The following SERPINB6 variants were observed in gnomAD, a reference collection of about 807,000 sequenced individuals.
The protein encoded by SERPINB6 is serpin B6.
SERPINB6 carries 16 observed loss-of-function variants against 26.1 expected under a neutral mutation model. That is an observed-to-expected ratio of 0.61 (90% CI 0.42 to 0.93). The LOEUF is 0.93. Among genes scored for constraint, SERPINB6 ranks in the 40% least tolerant of loss-of-function variants. The pLI is 0.00. For synonymous variants in SERPINB6, 174 were observed against 176.6 expected, an observed-to-expected ratio of 0.99 and a Z score of 0.11; for missense variants, 420 against 478.0, an observed-to-expected ratio of 0.88 and a Z score of 1.13.
intron 1 of SERPINB6, chr6:2,962,237 C>T (rs980492555): frequency 1.6e-5 from 16 of 984,800 alleles, no homozygotes; most frequent in African/African-American, 1.4e-4. Context: ...GAGGAGAAGT[C>T]GGTGCACATG....
At chr6:2,959,098 T>G in intron 2 of SERPINB6, 70 bp downstream of exon 2, 2 of 1,581,552 alleles carry the variant, frequency 1.3e-6, no homozygotes, top group Non-Finnish European at 1.7e-6. Context: ...AGCGATCCCT[T>G]TGGGATTTGG....
chr6:2,967,962 G>C lies in SERPINB6; in HGVS notation c.-11+3571C>G, dbSNP rs1385548223. On this transcript the variant is annotated intron_variant, in intron 1 of 6. Transcript: ENST00000380539. This position sits in a 1 kb window ranked among gnomAD's most constrained non-coding sequence, Gnocchi z 4.3. ...ACTGAGTATACAACCAGAGGAGAGA[G>C]GAATAGAAATCATTCTCCCATAAAG... is the stretch of plus-strand genomic sequence containing the variant. The C allele has an allele frequency of 6.6e-6, 1 of 151,626 alleles. No homozygotes were observed. The highest frequency in any genetic ancestry group is 2.4e-5 in the African/African-American group (1 of 41,228). The allele number at this position is 151,626 out of a possible 1,614,324, so 9.4% of individuals were successfully genotyped here.
chr6:2,950,955 C>A (rs1769720177), intron 5 of SERPINB6, among the ~76,000 whole-genome samples: 1 of 152,250 alleles, frequency 6.6e-6, no homozygotes, highest in African/African-American at 2.4e-5. Flanking sequence ...GCCTCGGCTG[C>A]CCCACTCATT....
At chr6:2,970,966 G>T in intron 1 of SERPINB6, 1 of 1,211,968 alleles carries the variant, frequency 8.3e-7, no homozygotes. Flanking sequence ...CACGCAGGGG[G>T]CCCGGATGGC....
chr6:2,968,613 C>T (rs780911287), intron 1 of SERPINB6: 15 of 1,219,528 alleles, frequency 1.2e-5, no homozygotes, highest in Non-Finnish European at 1.4e-5. Flanking sequence ...TCTTCCGTTC[C>T]CTGCGCTGCC....
At chr6:2,950,151 A>G (rs1171085908) in intron 5 of SERPINB6, among the ~76,000 whole-genome samples, 1 of 152,130 alleles carries the variant, frequency 6.6e-6, no homozygotes, top group African/African-American at 2.4e-5. Flanking sequence ...CTCTCCCCCA[A>G]GAAAACATAA....
At chr6:2,965,058 G>T (rs1428509845) in intron 1 of SERPINB6, among the ~76,000 whole-genome samples, 1 of 152,204 alleles carries the variant, frequency 6.6e-6, no homozygotes, top group Non-Finnish European at 1.5e-5. Flanking sequence ...CCACAGGTTT[G>T]CTTTATTATC....
At chr6:2,970,522 G>C in intron 1 of SERPINB6, 2 of 1,176,836 alleles carry the variant, frequency 1.7e-6, no homozygotes, top group Non-Finnish European at 2.1e-6. Context: ...GAACACATCA[G>C]ATCTCATCGC....
chr6:2,970,629 C>T (rs946491851), intron 1 of SERPINB6: 1 of 1,220,768 alleles, frequency 8.2e-7, no homozygotes, highest in African/African-American at 1.6e-5. Flanking sequence ...AAAAAATGGA[C>T]TCAGATGCCC....
intron 2 of SERPINB6, 178 bp from the exon 3 acceptor site, chr6:2,955,848 G>A (rs1266785085): frequency 1.3e-5 from 8 of 612,550 alleles, no homozygotes; most frequent in African/African-American, 1.8e-5. Context: ...AGGCCAAGGC[G>A]GGAGGATCAC....
At position 2,959,157 on chromosome 6, in the gene SERPINB6, T is replaced by G; in HGVS notation, c.165+11A>C. On this transcript the variant is annotated intron_variant, in intron 2 of 6. Coordinates refer to ENST00000380539, the MANE Select transcript of SERPINB6 (RefSeq NM_004568.6). Reference sequence around the variant, plus strand: ...ACAGTTAATAGCACCATGGCTGCCCTGAAGCTGTACCTGGGCCATCTGTGC... The same window carrying G: ...ACAGTTAATAGCACCATGGCTGCCCGGAAGCTGTACCTGGGCCATCTGTGC... 1 of 1,614,144 alleles carries G rather than the reference T, an allele frequency of 6.2e-7. No individual in the cohort carries two copies. Among genetic ancestry groups the G allele is most frequent in the African/African-American group, 1.3e-5 (1 of 75,054 alleles).
intron 5 of SERPINB6, among the ~76,000 whole-genome samples, chr6:2,949,929 A>G (rs1769588342): frequency 6.6e-6 from 1 of 152,150 alleles, no homozygotes; most frequent in African/African-American, 2.4e-5. Flanking sequence ...ATCTCTACGC[A>G]GTAAGCTTGT....
chr6:2,954,944 C>A, intron 3 of SERPINB6: 1 of 493,030 alleles, frequency 2.0e-6, no homozygotes, highest in South Asian at 2.3e-5. Flanking sequence ...AATCCCAGCA[C>A]TTTGGGGGGC....
Position 2,948,812 on chromosome 6 carries a change from C to T in SERPINB6, c.729+102G>A, listed in dbSNP as rs1342586843. 1.3e-6 allele frequency: 2 copies of T among 1,574,828 alleles called. No homozygotes were observed. Among genetic ancestry groups the T allele is most frequent in the Non-Finnish European group, 1.7e-6 (2 of 1,146,744 alleles). On this transcript the variant is annotated intron_variant, in intron 6 of 6. Coordinates refer to ENST00000380539, the MANE Select transcript of SERPINB6 (RefSeq NM_004568.6). The surrounding 1 kb of genome is among the most constrained non-coding windows in gnomAD (Gnocchi z 5.0). ...GGCAGCGTGGCTATGGTCAGCAGCG[C>T]TCCAGTGTTAAACGGCTGACCGCAA... is the stretch of plus-strand genomic sequence containing the variant.
At chr6:2,965,060 TTTA>T (rs1296186395) in intron 1 of SERPINB6, among the ~76,000 whole-genome samples, 1 of 152,224 alleles carries the variant, frequency 6.6e-6, no homozygotes, top group African/African-American at 2.4e-5. Context: ...ACAGGTTTGC[TTTA>T]TTATCACTAA....
intron 1 of SERPINB6, among the ~76,000 whole-genome samples, chr6:2,965,734 A>C (rs1771565232): frequency 6.6e-6 from 1 of 152,196 alleles, no homozygotes; most frequent in African/African-American, 2.4e-5. Flanking sequence ...TATCTTTGTT[A>C]TATTTTCCTA....
In SERPINB6 at chr6:2,955,667, G is replaced by A. The variant is rs1398359794; in HGVS notation, c.169C>T (p.Leu57Phe). 22 of 1,614,180 alleles carry A rather than the reference G, an allele frequency of 1.4e-5. No individual in the cohort carries two copies. The highest frequency in any genetic ancestry group is 1.8e-5 in the Non-Finnish European group (21 of 1,180,024). ...GNTAAQMAQI[L>F]SFNKSGGGGD... is the part of the protein sequence containing the mutation. ...CCACCGCCACTTTTATTGAAAGAAA[G>A]TATCTGAAATCAAAAACAGAATGAA... Residue 57 changes from leucine to phenylalanine, a missense_variant, in exon 3 of 7, where the codon CTT becomes TTT. By Grantham distance (22) the Leu-to-Phe change is conservative. Coordinates refer to ENST00000380539, the MANE Select transcript of SERPINB6 (RefSeq NM_004568.6).
At chr6:2,951,011 G>A (rs1161267061) in intron 5 of SERPINB6, among the ~76,000 whole-genome samples, 11 of 152,206 alleles carry the variant, frequency 7.2e-5, no homozygotes, top group Non-Finnish European at 1.5e-4. Context: ...TGACCAGACA[G>A]GAACTATTTT....
chr6:2,961,641 G>A (rs1183742235), intron 1 of SERPINB6, among the ~76,000 whole-genome samples: 1 of 152,198 alleles, frequency 6.6e-6, no homozygotes, highest in African/African-American at 2.4e-5. Flanking sequence ...AGGACTCAAA[G>A]CCAGCAGACA....
Sources: gnomAD v4.1 joint callset for allele counts (sites outside exome capture counted in the v4.1 genomes callset) on GRCh38, gnomAD v4.1.1 for gene constraint, Gnocchi (gnomAD v3.1) non-coding constraint, MANE v1.5 for transcripts, NCBI Gene and HGNC (gene_info 2026-07-23, HGNC 2026-07-21) for gene names.